Variants in ZNF536 observed in about 807,000 individuals in gnomAD.
ZNF536 encodes the protein zinc finger protein 536.
A neutral mutation model predicts 84.5 loss-of-function variants in ZNF536; 13 were observed. The ratio of observed to expected loss-of-function variants is 0.15; its 90% CI spans 0.10 to 0.24. The LOEUF is 0.24. Ranked by LOEUF, ZNF536 falls within the 10% of genes least tolerant of loss-of-function variation. The pLI is 1.00. For synonymous variants in ZNF536, 811 were observed against 742.5 expected, an observed-to-expected ratio of 1.09 and a Z score of -1.50; for missense variants, 1,536 against 1,747.5, an observed-to-expected ratio of 0.88 and a Z score of 2.16.
chr19:30,617,333 C>CTTTTTTTTTTT lies in ZNF536; in HGVS notation c.169+67842_169+67852dup, dbSNP rs556835599. Among the ~76,000 whole-genome samples the CTTTTTTTTTTT allele has an allele frequency of 6.1e-3, 229 of 37,700 alleles. 75 individuals carry two copies. Among genetic ancestry groups the CTTTTTTTTTTT allele is most frequent in the Non-Finnish European group, 8.7e-3 (148 of 16,958 alleles). 24.7% of individuals were successfully genotyped at this position (37,700 alleles called of 152,430 possible). On this transcript the variant is annotated intron_variant, in intron 1 of 1. Transcript: ENST00000592773. ...GAGTCCACCATATCTGAATAGCTTACTTTTTTTTTTTTTTTTTTTTTTTTT... is the reference window on the plus strand; with the variant it reads ...GAGTCCACCATATCTGAATAGCTTACTTTTTTTTTTTTTTTTTTTTTTTTTTTTTTTTTTTT...
intron 1 of ZNF536, among the ~76,000 whole-genome samples, chr19:30,582,747 G>A (rs377053619): frequency 1.3e-5 from 2 of 152,182 alleles, no homozygotes; most frequent in South Asian, 2.1e-4. Context: ...AGACAAGAGA[G>A]GGAATGACAG....
At chr19:30,421,781 T>C (rs1166241474) in intron 1 of ZNF536, among the ~76,000 whole-genome samples, 1 of 152,184 alleles carries the variant, frequency 6.6e-6, no homozygotes, top group African/African-American at 2.4e-5. Context: ...CAGCCCCCAG[T>C]GTGTCTTTAA....
intron 1 of ZNF536, among the ~76,000 whole-genome samples, chr19:30,642,318 G>A (rs915975328): frequency 5.3e-5 from 8 of 152,100 alleles, no homozygotes; most frequent in African/African-American, 1.9e-4. Context: ...GGACACTTGG[G>A]GCCCATTTCA....
Position 30,443,606 on chromosome 19 carries a change from C to T in ZNF536, c.44C>T (p.Pro15Leu), listed in dbSNP as rs375667945. ...SLCLGVSSAE[P>L]EAEPHLSGPV... ...TGCCTTGGAGTGTCTTCGGCGGAGCCGGAAGCTGAGCCCCACCTGAGTGGC... is the reference window on the plus strand; with the variant it reads ...TGCCTTGGAGTGTCTTCGGCGGAGCTGGAAGCTGAGCCCCACCTGAGTGGC... The change falls in exon 2 of 5, where the codon CCG becomes CTG. Residue 15 changes from proline to leucine, a missense_variant. Physicochemically the swap from Pro to Leu is moderately conservative, Grantham distance 98. Transcript: ENST00000355537. The T allele has an allele frequency of 1.5e-4, 237 of 1,588,962 alleles. 1 individual carries two copies. Among genetic ancestry groups the T allele is most frequent in the Non-Finnish European group, 1.9e-4 (217 of 1,170,208 alleles).
chr19:30,356,715 C>A (rs1345690731), intron 3 of ZNF536, among the ~76,000 whole-genome samples: 1 of 152,222 alleles, frequency 6.6e-6, no homozygotes, highest in Non-Finnish European at 1.5e-5. Flanking sequence ...ATAATTTTAA[C>A]TCTAGAGAGA....
At chr19:30,658,096 C>T (rs1184773217) in intron 1 of ZNF536, among the ~76,000 whole-genome samples, 1 of 150,872 alleles carries the variant, frequency 6.6e-6, no homozygotes, top group Non-Finnish European at 1.5e-5. Context: ...AATCTCGGCT[C>T]ACTGCAACCT....
rs372587955 is a variant in ZNF536 at position 30,466,584 on chromosome 19, A to AAGAGAGAGAGAGAG, written c.2170+20858_2170+20871dup. 4.4e-3 allele frequency among the ~76,000 whole-genome samples: 633 copies of AAGAGAGAGAGAGAG among 144,452 alleles called. 8 individuals carry two copies. The highest frequency in any genetic ancestry group is 0.039 in the East Asian group (185 of 4,726). The allele number at this position is 144,452 out of a possible 152,430, so 94.8% of individuals were successfully genotyped here. ...TTAGAAAGAAAGAAAGAAAGAAAGAAAGAGAGAGAGAGAGAGAGAAAGAAA... is the reference window on the plus strand; with the variant it reads ...TTAGAAAGAAAGAAAGAAAGAAAGAAAGAGAGAGAGAGAGAGAGAGAGAGAGAGAGAGAAAGAAA... On this transcript the variant is annotated intron_variant, in intron 2 of 4. Coordinates refer to ENST00000355537, the MANE Select transcript of ZNF536 (RefSeq NM_014717.3).
At chr19:30,485,088 G>A (rs1010620337) in intron 2 of ZNF536, among the ~76,000 whole-genome samples, 56 of 152,026 alleles carry the variant, frequency 3.7e-4, no homozygotes, top group Admixed American at 1.3e-4. Flanking sequence ...AGCTTTCAGT[G>A]AGCAGAGATC....
rs141770210 is a variant in ZNF536, at chr19:30,334,789, T to C, written c.-119-17579T>C. Among the ~76,000 whole-genome samples, 730 of 152,316 alleles carry C rather than the reference T, an allele frequency of 4.8e-3. 7 individuals are homozygous for C. Among genetic ancestry groups the C allele is most frequent in the African/African-American group, 0.016 (670 of 41,570 alleles). On this transcript the variant is annotated intron_variant, in intron 2 of 5. Transcript: ENST00000585628. ...TGTTTCATGGAAAACAATTTTTTCA[T>C]GGATGGAGTGGATGGATGGTTTCAG...
In ZNF536 at chr19:30,443,740, C is replaced by T. The variant is rs774281997; in HGVS notation, c.178C>T (p.Pro60Ser). 7 of 1,612,298 alleles carry T rather than the reference C, an allele frequency of 4.3e-6. No homozygotes were observed. The highest frequency in any genetic ancestry group is 3.3e-5 in the South Asian group (3 of 90,734). ...LHPRPNPEEK[P>S]PASLEEKAHV... Reference sequence around the variant, plus strand: ...TCCCCGGCCCAACCCCGAGGAGAAGCCCCCCGCATCCCTGGAGGAGAAGGC... The same window carrying T: ...TCCCCGGCCCAACCCCGAGGAGAAGTCCCCCGCATCCCTGGAGGAGAAGGC... Residue 60 changes from proline (P) to serine (S), a missense_variant, in exon 2 of 5, where the codon CCC becomes TCC. Coordinates refer to ENST00000355537, the MANE Select transcript of ZNF536 (RefSeq NM_014717.3).
At chr19:30,472,709 C>T (rs73552159) in intron 2 of ZNF536, among the ~76,000 whole-genome samples, 4,956 of 152,186 alleles carry the variant, frequency 0.033, 286 homozygotes, top group African/African-American at 0.11. Flanking sequence ...GAAATCATCA[C>T]GAATATATCT....
chr19:30,627,170 G>A (rs976221135), intron 1 of ZNF536, among the ~76,000 whole-genome samples: 29 of 152,026 alleles, frequency 1.9e-4, no homozygotes, highest in African/African-American at 5.3e-4. Flanking sequence ...TACCAACGGA[G>A]GACATGAAAG....
intron 1 of ZNF536, among the ~76,000 whole-genome samples, chr19:30,274,746 T>G (rs1214260618): frequency 1.3e-5 from 2 of 152,170 alleles, no homozygotes; most frequent in East Asian, 3.8e-4. Flanking sequence ...GTCTGAACAT[T>G]CGAGTGATAT....
rs73539103 is a variant in ZNF536 at position 30,537,435 on chromosome 19, C to T, written c.2323+2436C>T. On this transcript the variant is annotated intron_variant, in intron 3 of 4. Transcript: ENST00000355537. ...ATGTCTTGTCTTGTGTATTTCATGT[C>T]GACACAGAACCCTGGACCACATTTC... 1.3e-3 allele frequency among the ~76,000 whole-genome samples: 200 copies of T among 152,192 alleles called. 1 individual carries two copies. The highest frequency in any genetic ancestry group is 4.5e-3 in the African/African-American group (188 of 41,526).
At chr19:30,678,146 T>G (rs1273666184) in intron 1 of ZNF536, among the ~76,000 whole-genome samples, 1 of 152,128 alleles carries the variant, frequency 6.6e-6, no homozygotes, top group Admixed American at 6.5e-5. Flanking sequence ...AATCAACAAC[T>G]TGCAAGAGAA....
chr19:30,254,961 A>G (rs914007059), intron 1 of ZNF536, among the ~76,000 whole-genome samples: 6 of 152,230 alleles, frequency 3.9e-5, no homozygotes, highest in African/African-American at 1.4e-4. Flanking sequence ...TAGTGTTTCT[A>G]GATATCATGT....
intron 2 of ZNF536, among the ~76,000 whole-genome samples, chr19:30,339,307 A>T (rs113031099): frequency 0.011 from 1,693 of 152,274 alleles, 36 homozygotes; most frequent in African/African-American, 0.039. Flanking sequence ...TATTGGTCAC[A>T]TGGCTGGGTC....
intron 1 of ZNF536, among the ~76,000 whole-genome samples, chr19:30,690,442 G>C (rs113822908): frequency 6.6e-6 from 1 of 152,154 alleles, no homozygotes; most frequent in African/African-American, 2.4e-5. Context: ...CATTCAGGTC[G>C]AGTCTCTCTC....
intron 1 of ZNF536, among the ~76,000 whole-genome samples, chr19:30,231,206 A>G (rs934847938): frequency 1.3e-5 from 2 of 152,232 alleles, no homozygotes; most frequent in Non-Finnish European, 2.9e-5. Context: ...ATTTGTCCAT[A>G]TGAAGGAGAG....
Sources: allele counts gnomAD v4.1 joint callset (sites outside exome capture counted in the v4.1 genomes callset), GRCh38; gene constraint gnomAD v4.1.1; transcripts MANE v1.5; gene names NCBI Gene and HGNC (gene_info 2026-07-23, HGNC 2026-07-21).